ARHGAP24: variants seen among roughly 807,000 people sequenced by gnomAD.
ARHGAP24 encodes Rho GTPase activating protein 24.
In ARHGAP24, 50 loss-of-function variants were observed where a neutral mutation model predicts 76.4. The ratio of observed to expected loss-of-function variants is 0.65; its 90% CI spans 0.52 to 0.83. The LOEUF (loss-of-function observed/expected upper bound fraction) is 0.83, where lower values mean the gene tolerates loss of function less well. Ranked by LOEUF, ARHGAP24 falls within the 40% of genes least tolerant of loss-of-function variation. The probability of loss-of-function intolerance (pLI) is 0.00; values close to 1 mark genes in which losing one functional copy is unlikely to be tolerated. For missense variants in ARHGAP24, 930 were observed against 914.2 expected (o/e 1.02, Z -0.22); for synonymous variants, 345 against 323.3 (o/e 1.07, Z -0.72).
intron 5 of ARHGAP24, 84 bp downstream of exon 5, chr4:85,942,357 CTTGA>C: frequency 7.0e-7 from 1 of 1,435,602 alleles, no homozygotes; most frequent in Non-Finnish European, 9.8e-7. Context: ...GAGGCATAAC[CTTGA>C]TTGATGTGGT....
chr4:85,833,802 T>A (rs1217272396), intron 3 of ARHGAP24, among the ~76,000 whole-genome samples: 2 of 152,204 alleles, frequency 1.3e-5, no homozygotes, highest in Non-Finnish European at 2.9e-5. Context: ...GAAGGCCAAA[T>A]GTGTCTGAAA....
chr4:85,795,690 T>G (rs1423959481), intron 3 of ARHGAP24, among the ~76,000 whole-genome samples: 1 of 152,056 alleles, frequency 6.6e-6, no homozygotes, highest in Non-Finnish European at 1.5e-5. Context: ...ACAATTTATG[T>G]CTCTTCCTCA....
intron 2 of ARHGAP24, among the ~76,000 whole-genome samples, chr4:85,708,698 G>A (rs904155726): frequency 1.3e-5 from 2 of 152,122 alleles, no homozygotes; most frequent in Non-Finnish European, 2.9e-5. Flanking sequence ...CACTCTGTTG[G>A]CATCCGCTTC....
At chr4:85,947,116 A>G (rs942123502) in intron 5 of ARHGAP24, among the ~76,000 whole-genome samples, 15 of 151,660 alleles carry the variant, frequency 9.9e-5, no homozygotes, top group African/African-American at 3.6e-4. Flanking sequence ...GTTTGTTGGC[A>G]TCTTGTATGT....
At chr4:85,903,399 A>G (rs1461438253) in intron 3 of ARHGAP24, among the ~76,000 whole-genome samples, 1 of 152,126 alleles carries the variant, frequency 6.6e-6, no homozygotes, top group African/African-American at 2.4e-5. Flanking sequence ...AAAATCTTAT[A>G]GTTTGTTCAC....
intron 3 of ARHGAP24, among the ~76,000 whole-genome samples, chr4:85,921,699 C>T (rs1178780552): frequency 6.6e-6 from 1 of 152,122 alleles, no homozygotes; most frequent in Non-Finnish European, 1.5e-5. Flanking sequence ...GGGACCCCAA[C>T]CCCTGGGCCC....
chr4:85,710,663 C>T (rs191525308), intron 2 of ARHGAP24, among the ~76,000 whole-genome samples: 80 of 152,198 alleles, frequency 5.3e-4, no homozygotes, highest in Non-Finnish European at 9.0e-4. Context: ...GGCATGACCA[C>T]TTTTCAAAAG....
chr4:85,977,402 A>G (rs1739404975), intron 7 of ARHGAP24, among the ~76,000 whole-genome samples, 168 bp from the exon 8 acceptor site: 3 of 152,166 alleles, frequency 2.0e-5, no homozygotes, highest in South Asian at 4.1e-4. Flanking sequence ...CTAATTTGCA[A>G]TACATTGTCC....
chr4:85,581,316 A>G (rs1727601832), intron 2 of ARHGAP24, among the ~76,000 whole-genome samples: 2 of 152,162 alleles, frequency 1.3e-5, no homozygotes, highest in African/African-American at 4.8e-5. Flanking sequence ...AATCAATTCT[A>G]TTTATTAGCA....
At chr4:85,847,150 G>C (rs73833934) in intron 3 of ARHGAP24, among the ~76,000 whole-genome samples, 2,632 of 152,184 alleles carry the variant, frequency 0.017, 83 homozygotes, top group African/African-American at 0.06. Flanking sequence ...TCAATATCTA[G>C]ATTCTACCAT....
intron 4 of ARHGAP24, among the ~76,000 whole-genome samples, chr4:85,936,790 G>A (rs892969893): frequency 6.6e-6 from 1 of 152,090 alleles, no homozygotes; most frequent in African/African-American, 2.4e-5. Context: ...ACAGGATAAG[G>A]TTTCCTACAC....
intron 2 of ARHGAP24, among the ~76,000 whole-genome samples, chr4:85,692,137 G>C (rs1723685893): frequency 6.6e-6 from 1 of 152,160 alleles, no homozygotes; most frequent in African/African-American, 2.4e-5. Context: ...TTTTCTTTAA[G>C]GATGCTGAAA....
chr4:85,517,720 A>G (rs902465392), intron 1 of ARHGAP24, among the ~76,000 whole-genome samples: 1 of 152,078 alleles, frequency 6.6e-6, no homozygotes, highest in Admixed American at 6.6e-5. Context: ...ATAAATTTTT[A>G]ATGTTATTTG....
intron 3 of ARHGAP24, among the ~76,000 whole-genome samples, chr4:85,909,958 C>T (rs28566811): frequency 0.3 from 45,433 of 151,980 alleles, 6,943 homozygotes; most frequent in South Asian, 0.43. Flanking sequence ...AGGCTACATT[C>T]GGCTGACACT....
intron 3 of ARHGAP24, among the ~76,000 whole-genome samples, chr4:85,822,847 A>G (rs1823762): frequency 0.1 from 15,944 of 152,162 alleles, 953 homozygotes; most frequent in South Asian, 0.19. Flanking sequence ...ACTTTTTTAT[A>G]TTTTAAAAAT....
intron 9 of ARHGAP24, 72 bp from the exon 10 acceptor site, chr4:86,000,407 T>A: frequency 9.0e-7 from 1 of 1,115,390 alleles, no homozygotes. Flanking sequence ...CTCTTGCATT[T>A]CAAGTGAATA....
intron 3 of ARHGAP24, among the ~76,000 whole-genome samples, chr4:85,888,296 A>C (rs1243365928): frequency 2.0e-5 from 3 of 151,388 alleles, no homozygotes; most frequent in African/African-American, 7.3e-5. Flanking sequence ...GCTACTTGGG[A>C]GGCTGATACA....
intron 3 of ARHGAP24, among the ~76,000 whole-genome samples, chr4:85,867,921 A>G (rs1450193863): frequency 7.0e-6 from 1 of 143,648 alleles, no homozygotes; most frequent in Non-Finnish European, 1.6e-5. Context: ...ATATATGTAC[A>G]CACACACAAA....
intron 3 of ARHGAP24, among the ~76,000 whole-genome samples, chr4:85,768,073 C>A (rs1005971192): frequency 6.6e-6 from 1 of 152,028 alleles, no homozygotes; most frequent in Non-Finnish European, 1.5e-5. Context: ...TGTTTATATG[C>A]GGCTGCTGTG....
Sources: allele counts gnomAD v4.1 joint callset (sites outside exome capture counted in the v4.1 genomes callset), GRCh38; gene constraint gnomAD v4.1.1; transcripts MANE v1.5; gene names NCBI Gene and HGNC (gene_info 2026-07-23, HGNC 2026-07-21).